TBC1D20: variants seen among roughly 807,000 people sequenced by gnomAD.
TBC1D20 encodes chromosome 20 open reading frame 140.
In TBC1D20, 12 loss-of-function variants were observed where a neutral mutation model predicts 41.6. The ratio of observed to expected loss-of-function variants is 0.29; its 90% CI spans 0.18 to 0.47. The LOEUF (loss-of-function observed/expected upper bound fraction) is 0.47, where lower values mean the gene tolerates loss of function less well. Among genes scored for constraint, TBC1D20 ranks in the 20% least tolerant of loss-of-function variants. The pLI is 1.00. For missense variants in TBC1D20, 421 were observed against 517.4 expected, an observed-to-expected ratio of 0.81 and a Z score of 1.81; for synonymous variants, 205 against 204.8, an observed-to-expected ratio of 1.00 and a Z score of -0.01.
chr20:438,424 TG>T lies in TBC1D20; in HGVS notation c.*161del. The T allele has an allele frequency of 1.3e-6, 1 of 785,586 alleles. No homozygotes were observed. Among genetic ancestry groups the T allele is most frequent in the Non-Finnish European group, 2.0e-6 (1 of 497,606 alleles). 48.7% of individuals were successfully genotyped at this position (785,586 alleles called of 1,614,324 possible). On this transcript the variant is annotated 3_prime_UTR_variant, in exon 8 of 8. Transcript: ENST00000354200. ...CTCTGTGTCAGGTAGGCTCTGCTAC[TG>T]GCCTCTGAAGTAAAGGCAAACACAA... is the stretch of plus-strand genomic sequence containing the variant.
rs1407581092 is a variant in TBC1D20, at chr20:462,500, T to G, written c.-95A>C. 5.8e-6 allele frequency: 4 copies of G among 692,764 alleles called. No individual in the cohort carries two copies. The highest frequency in any genetic ancestry group is 1.2e-4 in the East Asian group (2 of 17,242). The allele number at this position is 692,764 out of a possible 1,614,324, so 42.9% of individuals were successfully genotyped here. A position where few individuals can be genotyped will look rare whatever the true frequency, so the allele number is the denominator to read the frequency against. On this transcript the variant is annotated 5_prime_UTR_variant, in exon 1 of 8. The change abolishes an upstream ATG in the 5' untranslated region. Transcript: ENST00000354200. ...CGCGGGACGTAGCACCCGCTCGGCA[T>G]CGGCAGGCTCCCCTCCGTCGGCCAG... is the stretch of plus-strand genomic sequence containing the variant.
chr20:442,127 C>A, intron 3 of TBC1D20, 84 bp from the exon 4 acceptor site: 2 of 1,268,418 alleles, frequency 1.6e-6, no homozygotes, highest in South Asian at 1.8e-5. Flanking sequence ...AATGAATTTT[C>A]AGAGAAAAAA....
In TBC1D20 at chr20:445,096, T is replaced by C. The variant is rs1266677618; in HGVS notation, c.291A>G (p.Gln97=). ...ACCGCCGGACGTCCAGCAACACTTG[T>C]TGGTAGTCCTTGCTCATCTGCCGTA... The part of the protein sequence containing the change: ...KNLRQMSKDY[Q]QVLLDVRRSL... Residue 97 remains glutamine, a synonymous_variant, in exon 3 of 8, where the codon CAA becomes CAG. Coordinates refer to ENST00000354200, the MANE Select transcript of TBC1D20 (RefSeq NM_144628.4). 1.2e-6 allele frequency: 2 copies of C among 1,604,328 alleles called. No homozygotes were observed. Among genetic ancestry groups the C allele is most frequent in the South Asian group, 1.1e-5 (1 of 89,646 alleles).
chr20:439,241 C>A lies in TBC1D20; in HGVS notation c.823G>T (p.Val275Phe). 6.2e-7 allele frequency: 1 copy of A among 1,614,090 alleles called. No individual in the cohort carries two copies. Among genetic ancestry groups the A allele is most frequent in the Non-Finnish European group, 8.5e-7 (1 of 1,179,966 alleles). The change falls in exon 7 of 8, where the codon GTC becomes TTC. Residue 275 changes from valine (V) to phenylalanine (F), a missense_variant. Around this residue, in one of 3 missense-constraint regions of TBC1D20, gnomAD observed 161 missense variants for 182.7 expected, o/e 0.88. Coordinates refer to ENST00000354200, the MANE Select transcript of TBC1D20 (RefSeq NM_144628.4). The surrounding 1 kb of genome is among the most constrained non-coding windows in gnomAD (Gnocchi z 4.6). ...GGGATCTGGGACAACAGGTGGTGGA[C>A]CGAGGCCATGTCACAGTCACAGTCC... ...VLDCDCDMAS[V>F]HHLLSQIPQD...
In TBC1D20 at chr20:436,095, T is replaced by C. The variant is rs755150386; in HGVS notation, c.*2491A>G. On this transcript the variant is annotated 3_prime_UTR_variant, in exon 8 of 8. Coordinates refer to ENST00000354200, the MANE Select transcript of TBC1D20 (RefSeq NM_144628.4). ...GGCTGCAGCTGGAGTGTGTGGGTCATAATTCTTGCAGATGAAACAGAAACA... is the reference window on the plus strand; with the variant it reads ...GGCTGCAGCTGGAGTGTGTGGGTCACAATTCTTGCAGATGAAACAGAAACA... 6 of 152,262 alleles carry C rather than the reference T, an allele frequency of 3.9e-5. No homozygotes were observed. Among genetic ancestry groups the C allele is most frequent in the Non-Finnish European group, 8.8e-5 (6 of 68,076 alleles). The allele number at this position is 152,262 out of a possible 1,614,324, so 9.4% of individuals were successfully genotyped here.
At chr20:455,610 T>A (rs1356869653) in intron 1 of TBC1D20, among the ~76,000 whole-genome samples, 1 of 146,736 alleles carries the variant, frequency 6.8e-6, no homozygotes, top group Non-Finnish European at 1.5e-5. Flanking sequence ...AGAGTGACAC[T>A]CTGTCTCATA....
At chr20:443,921 C>T (rs6116001) in intron 3 of TBC1D20, among the ~76,000 whole-genome samples, 65,922 of 151,816 alleles carry the variant, frequency 0.43, 14,558 homozygotes, top group Middle Eastern at 0.49. Context: ...GTCAGGAGTT[C>T]GAGAGCAGCC....
intron 2 of TBC1D20, among the ~76,000 whole-genome samples, chr20:445,732 T>A (rs889157575): frequency 1.3e-5 from 2 of 152,208 alleles, no homozygotes; most frequent in Non-Finnish European, 2.9e-5. Context: ...ATTATACATA[T>A]AACAAGTGTA....
At chr20:443,442 C>T (rs950076098) in intron 3 of TBC1D20, among the ~76,000 whole-genome samples, 2 of 152,172 alleles carry the variant, frequency 1.3e-5, no homozygotes, top group Non-Finnish European at 2.9e-5. Context: ...ACAGCTTCTC[C>T]ACACCATTAG....
At chr20:448,685 T>C (rs1421296055) in intron 1 of TBC1D20, among the ~76,000 whole-genome samples, 1 of 139,718 alleles carries the variant, frequency 7.2e-6, no homozygotes, top group Non-Finnish European at 1.5e-5. Flanking sequence ...CGAGACTCCG[T>C]CTTGAAAAAA....
chr20:461,755 C>G (rs533322285), intron 1 of TBC1D20, among the ~76,000 whole-genome samples: 1 of 152,212 alleles, frequency 6.6e-6, no homozygotes, highest in Admixed American at 6.5e-5. Context: ...CCGGGGAACG[C>G]GGAGTGCCTA....
Position 441,968 on chromosome 20 carries a change from G to A in TBC1D20, c.413C>T (p.Pro138Leu). 1 of 1,614,072 alleles carries A rather than the reference G, an allele frequency of 6.2e-7. No homozygotes were observed. Among genetic ancestry groups the A allele is most frequent in the Non-Finnish European group, 8.5e-7 (1 of 1,180,014 alleles). Residue 138 changes from proline to leucine, a missense_variant, in exon 4 of 8, where the codon CCT becomes CTT. Around this residue, in one of 3 missense-constraint regions of TBC1D20, gnomAD observed 110 missense variants for 183.5 expected, o/e 0.60. Transcript: ENST00000354200. ...DIILLILERN[P>L]QLHYYQGYHD... ...GTAGCCCTGGTAGTAGTGCAGCTGA[G>A]GGTTGCGCTCCAAGATGAGGAGGAT...
Position 436,082 on chromosome 20 carries a change from A to C in TBC1D20, c.*2504T>G, listed in dbSNP as rs1266907446. On this transcript the variant is annotated 3_prime_UTR_variant, in exon 8 of 8. Transcript: ENST00000354200. ...TCACAGTGCCCTGGGCTGCAGCTGG[A>C]GTGTGTGGGTCATAATTCTTGCAGA... The C allele has an allele frequency of 6.6e-6, 1 of 152,266 alleles. No individual in the cohort carries two copies. Among genetic ancestry groups the C allele is most frequent in the Non-Finnish European group, 1.5e-5 (1 of 68,084 alleles). The allele number at this position is 152,266 out of a possible 1,614,324, so 9.4% of individuals were successfully genotyped here.
intron 3 of TBC1D20, among the ~76,000 whole-genome samples, chr20:443,892 G>C (rs1208756172): frequency 2.0e-5 from 3 of 152,160 alleles, no homozygotes; most frequent in Admixed American, 1.3e-4. Context: ...GGGAGGCTGA[G>C]GTACGTGCAT....
rs1413932106 is a variant in TBC1D20 at position 436,393 on chromosome 20, T to C, written c.*2193A>G. The C allele has an allele frequency of 6.6e-6, 1 of 152,570 alleles. No individual in the cohort carries two copies. The highest frequency in any genetic ancestry group is 1.9e-4 in the East Asian group (1 of 5,198). The allele number at this position is 152,570 out of a possible 1,614,324, so 9.5% of individuals were successfully genotyped here. A position where few individuals can be genotyped will look rare whatever the true frequency, so the allele number is the denominator to read the frequency against. Reference sequence around the variant, plus strand: ...TGAAGGTAATTAGATAATGCTTTCTTCTCAATGACAGGGAGAATCCTGGTG... The same window carrying C: ...TGAAGGTAATTAGATAATGCTTTCTCCTCAATGACAGGGAGAATCCTGGTG... On this transcript the variant is annotated 3_prime_UTR_variant, in exon 8 of 8. Transcript: ENST00000354200.
chr20:462,514 T>A lies in TBC1D20; in HGVS notation c.-109A>T. ...CCCGCTCGGCATCGGCAGGCTCCCC[T>A]CCGTCGGCCAGCGGCGCGCAGGCGC... On this transcript the variant is annotated 5_prime_UTR_variant, in exon 1 of 8. Transcript: ENST00000354200. 1.8e-6 allele frequency: 1 copy of A among 566,588 alleles called. No homozygotes were observed. 35.1% of individuals were successfully genotyped at this position (566,588 alleles called of 1,614,324 possible).
intron 1 of TBC1D20, among the ~76,000 whole-genome samples, chr20:454,613 T>C (rs572232753): frequency 3.1e-4 from 47 of 152,160 alleles, no homozygotes; most frequent in African/African-American, 6.3e-4. Context: ...TCTGAGACCA[T>C]TGTGAGTCTA....
intron 1 of TBC1D20, among the ~76,000 whole-genome samples, chr20:457,495 C>T (rs992093289): frequency 1.4e-4 from 21 of 152,076 alleles, no homozygotes; most frequent in African/African-American, 5.1e-4. Context: ...GTGCTAGGAT[C>T]GCAGATGTGA....
chr20:456,924 C>T (rs1032734948), intron 1 of TBC1D20, among the ~76,000 whole-genome samples: 2 of 140,894 alleles, frequency 1.4e-5, no homozygotes, highest in Non-Finnish European at 3.1e-5. Flanking sequence ...ATTCTGGATC[C>T]TTCTTTTAAT....
Sources: gnomAD v4.1 joint callset for allele counts (sites outside exome capture counted in the v4.1 genomes callset) on GRCh38, gnomAD v4.1.1 for gene constraint, gnomAD v4.1.1 regional missense constraint, Gnocchi (gnomAD v3.1) non-coding constraint, MANE v1.5 for transcripts, NCBI Gene and HGNC (gene_info 2026-07-23, HGNC 2026-07-21) for gene names.